Variants in DDX10 observed in about 807,000 individuals in gnomAD.
DDX10 encodes DEAD-box helicase 10.
Under a neutral mutation model 104.3 loss-of-function variants are expected in DDX10, and 74 were observed. The observed-to-expected ratio is 0.71, with a 90% CI of 0.59 to 0.86. The LOEUF (loss-of-function observed/expected upper bound fraction) is 0.86, where lower values mean the gene tolerates loss of function less well. Ranked by LOEUF, DDX10 falls within the 40% of genes least tolerant of loss-of-function variation. DDX10 has a pLI of 0.00. For synonymous variants in DDX10, 351 were observed against 353.4 expected (o/e 0.99, Z 0.08); for missense variants, 952 against 1,040.0 (o/e 0.92, Z 1.16).
chr11:108,899,851 C>T (rs539835807), intron 16 of DDX10, among the ~76,000 whole-genome samples: 107 of 152,218 alleles, frequency 7.0e-4, no homozygotes, highest in African/African-American at 2.4e-3. Context: ...CTGTGGCTGA[C>T]GCCTGTAATC....
chr11:108,782,246 A>G (rs1384412475), intron 13 of DDX10, among the ~76,000 whole-genome samples: 1 of 152,190 alleles, frequency 6.6e-6, no homozygotes, highest in Non-Finnish European at 1.5e-5. Flanking sequence ...GTTCTGCAGA[A>G]TATTTTCAGA....
intron 6 of DDX10, 125 bp from the exon 7 acceptor site, chr11:108,688,811 G>A (rs2094248071): frequency 3.1e-6 from 3 of 962,772 alleles, no homozygotes; most frequent in East Asian, 5.0e-5. Context: ...TCTTTTTTTG[G>A]TGTATGTGTG....
chr11:108,802,581 A>G (rs142572991), intron 13 of DDX10, among the ~76,000 whole-genome samples: 15 of 152,290 alleles, frequency 9.8e-5, no homozygotes, highest in East Asian at 1.9e-4. Flanking sequence ...CATGTTTACA[A>G]TAAGTTGCTG....
intron 10 of DDX10, among the ~76,000 whole-genome samples, chr11:108,709,138 G>A (rs2094280634): frequency 6.6e-6 from 1 of 152,184 alleles, no homozygotes; most frequent in African/African-American, 2.4e-5. Context: ...GACAGCAGTG[G>A]TGAGAGGGGA....
rs1024642391 is a variant in DDX10 at position 108,883,913 on chromosome 11, C to T, written c.2304+31704C>T. Among the ~76,000 whole-genome samples the T allele has an allele frequency of 1.6e-4, 25 of 152,196 alleles. 1 individual carries two copies. Among genetic ancestry groups the T allele is most frequent in the African/African-American group, 6.0e-4 (25 of 41,456 alleles). Reference sequence around the variant, plus strand: ...TCCCTGGGAACTCTTTTTCCATCTTCTTTCCTAACTTCTCTTCTACTTCCA... The same window carrying T: ...TCCCTGGGAACTCTTTTTCCATCTTTTTTCCTAACTTCTCTTCTACTTCCA... On this transcript the variant is annotated intron_variant, in intron 16 of 17. Transcript: ENST00000322536.
chr11:108,678,870 ATTTTTTTTTT>A (rs769948315), intron 5 of DDX10, among the ~76,000 whole-genome samples: 11 of 92,710 alleles, frequency 1.2e-4, no homozygotes, highest in Non-Finnish European at 2.1e-4. Flanking sequence ...GTTTCCCCTA[ATTTTTTTTTT>A]TTTTTTTTTT....
chr11:108,745,991 G>T (rs144398400), intron 13 of DDX10, among the ~76,000 whole-genome samples: 11 of 152,086 alleles, frequency 7.2e-5, no homozygotes, highest in Non-Finnish European at 1.2e-4. Context: ...AACTTGTTCA[G>T]CCATTACCAT....
intron 13 of DDX10, among the ~76,000 whole-genome samples, chr11:108,832,929 A>C (rs1000138943): frequency 6.6e-6 from 1 of 152,234 alleles, no homozygotes; most frequent in African/African-American, 2.4e-5. Context: ...CTGGAAGGAT[A>C]CAGAAGCTGC....
chr11:108,871,294 C>T (rs117066238), intron 16 of DDX10, among the ~76,000 whole-genome samples: 1,737 of 152,294 alleles, frequency 0.011, 18 homozygotes, highest in Non-Finnish European at 0.019. Flanking sequence ...CTGTCCTGGG[C>T]AAACCCAGGT....
chr11:108,852,876 C>T (rs940937806), intron 16 of DDX10, among the ~76,000 whole-genome samples: 5 of 152,130 alleles, frequency 3.3e-5, no homozygotes, highest in African/African-American at 1.2e-4. Flanking sequence ...TAACATATGT[C>T]ATTTCTCATG....
At chr11:108,840,399 C>A (rs114350693) in intron 14 of DDX10, among the ~76,000 whole-genome samples, 1 of 149,902 alleles carries the variant, frequency 6.7e-6, no homozygotes, top group Non-Finnish European at 1.5e-5. Context: ...ATCTTTCTGG[C>A]AACTAATTAT....
intron 13 of DDX10, among the ~76,000 whole-genome samples, chr11:108,812,051 A>G (rs993278662): frequency 5.3e-5 from 8 of 152,152 alleles, no homozygotes; most frequent in Admixed American, 3.3e-4. Context: ...AGATATAAGC[A>G]AGTTACTGTG....
At chr11:108,888,217 A>T (rs190789159) in intron 16 of DDX10, among the ~76,000 whole-genome samples, 10 of 152,134 alleles carry the variant, frequency 6.6e-5, no homozygotes, top group Non-Finnish European at 1.3e-4. Context: ...CATAAAAAAA[A>T]CCTCTCTGTA....
chr11:108,793,642 T>A (rs1861900419), intron 13 of DDX10, among the ~76,000 whole-genome samples: 1 of 152,212 alleles, frequency 6.6e-6, no homozygotes, highest in African/African-American at 2.4e-5. Flanking sequence ...TTGTGTGTAC[T>A]GACCTTGTAT....
At chr11:108,867,503 G>T (rs369451331) in intron 16 of DDX10, among the ~76,000 whole-genome samples, 1 of 152,142 alleles carries the variant, frequency 6.6e-6, no homozygotes, top group Non-Finnish European at 1.5e-5. Context: ...TTGAAAATTA[G>T]CTACCATAGT....
Position 108,665,138 on chromosome 11 carries a change from C to T in DDX10, c.-16C>T, listed in dbSNP as rs768412234. 3.2e-6 allele frequency: 5 copies of T among 1,573,158 alleles called. No individual in the cohort carries two copies. In the South Asian group the frequency reaches 4.7e-5, roughly 15 times the overall value. On this transcript the variant is annotated 5_prime_UTR_variant, in exon 1 of 18. Coordinates refer to ENST00000322536, the MANE Select transcript of DDX10 (RefSeq NM_004398.4). ...CGTGTCTGGGGTTGATCCGAGCTGT[C>T]GCCGCCGCCGCCGCAATGGGCAAAA...
chr11:108,877,468 A>G (rs1265731664), intron 16 of DDX10, among the ~76,000 whole-genome samples: 1 of 152,150 alleles, frequency 6.6e-6, no homozygotes, highest in Non-Finnish European at 1.5e-5. Flanking sequence ...AATCTCAATC[A>G]CACTTAGAAG....
chr11:108,782,015 AG>A (rs752222480), intron 13 of DDX10, among the ~76,000 whole-genome samples: 49 of 152,284 alleles, frequency 3.2e-4, no homozygotes, highest in Non-Finnish European at 5.6e-4. Context: ...CTCCTTGAGG[AG>A]GCTACTTGCA....
At chr11:108,819,842 A>G (rs1591826842) in intron 13 of DDX10, among the ~76,000 whole-genome samples, 1 of 151,950 alleles carries the variant, frequency 6.6e-6, no homozygotes, top group African/African-American at 2.4e-5. Flanking sequence ...CAGGTGATCC[A>G]CCCGCCTCGG....
Sources: allele counts gnomAD v4.1 joint callset (sites outside exome capture counted in the v4.1 genomes callset), GRCh38; gene constraint gnomAD v4.1.1; transcripts MANE v1.5; gene names NCBI Gene and HGNC (gene_info 2026-07-23, HGNC 2026-07-21).